The following RBFOX1 variants were observed in gnomAD, a reference collection of about 807,000 sequenced individuals.
The protein encoded by RBFOX1 is RNA binding protein fox-1 homolog 1.
RBFOX1 carries 8 observed loss-of-function variants against 57.7 expected under a neutral mutation model. The ratio of observed to expected loss-of-function variants is 0.14; its 90% CI spans 0.08 to 0.25. The LOEUF (loss-of-function observed/expected upper bound fraction) is 0.25. Among genes scored for constraint, RBFOX1 ranks in the 10% least tolerant of loss-of-function variants. The probability of loss-of-function intolerance (pLI) is 1.00; values close to 1 mark genes in which losing one functional copy is unlikely to be tolerated. For missense variants in RBFOX1, 611 were observed against 548.5 expected, an observed-to-expected ratio of 1.11 and a Z score of -1.14; for synonymous variants, 326 against 222.4, an observed-to-expected ratio of 1.47 and a Z score of -4.15.
intron 2 of RBFOX1, among the ~76,000 whole-genome samples, chr16:6,423,490 T>G (rs542582370): frequency 6.6e-6 from 1 of 152,162 alleles, no homozygotes; most frequent in South Asian, 2.1e-4. Context: ...TCCCAGCTAG[T>G]TGGAAGGCTG....
At chr16:7,229,726 A>T in intron 4 of RBFOX1, among the ~76,000 whole-genome samples, 1 of 125,108 alleles carries the variant, frequency 8.0e-6, no homozygotes, top group African/African-American at 3.0e-5. Context: ...GAGAGGAAGC[A>T]AGGGAGGGAG....
intron 3 of RBFOX1, among the ~76,000 whole-genome samples, chr16:6,727,195 A>C (rs4294818): frequency 0.91 from 138,602 of 151,862 alleles, 64,640 homozygotes; most frequent in East Asian, 1. Flanking sequence ...GAGACTCACT[A>C]TCCTGCAATT....
At chr16:7,704,121 C>T (rs960007206) in intron 14 of RBFOX1, among the ~76,000 whole-genome samples, 1 of 152,180 alleles carries the variant, frequency 6.6e-6, no homozygotes, top group African/African-American at 2.4e-5. Context: ...CTGTCCAAGT[C>T]ATGAGAGCAA....
intron 2 of RBFOX1, among the ~76,000 whole-genome samples, chr16:6,614,315 C>T (rs921406854): frequency 7.9e-5 from 12 of 152,162 alleles, no homozygotes; most frequent in Non-Finnish European, 1.6e-4. Flanking sequence ...GGACTTCCTG[C>T]CCTCCAGCCA....
In RBFOX1 at chr16:5,436,484, A is replaced by G. The variant is rs559489049; in HGVS notation, c.220-30732A>G. On this transcript the variant is annotated intron_variant, in intron 1 of 2. Coordinates refer to the RBFOX1 transcript ENST00000585867. ...TAAGAAGTACTTCTCTTGCAGAGAT[A>G]AGGGAATCCTCAGAACTCGTCTTTT... Among the ~76,000 whole-genome samples the G allele has an allele frequency of 3.9e-5, 6 of 152,316 alleles. No individual in the cohort carries two copies. The South Asian group carries it at 1.0e-3, about 26-fold the overall frequency.
chr16:7,628,107 A>T (rs2060360741), intron 10 of RBFOX1, among the ~76,000 whole-genome samples: 1 of 152,164 alleles, frequency 6.6e-6, no homozygotes, highest in Admixed American at 6.5e-5. Flanking sequence ...AAATTGACCC[A>T]AGGGTTTTAA....
chr16:6,461,530 T>C (rs2094921301), intron 2 of RBFOX1, among the ~76,000 whole-genome samples: 1 of 152,232 alleles, frequency 6.6e-6, no homozygotes, highest in South Asian at 2.1e-4. Context: ...TTAAACAATG[T>C]CATATCAACT....
chr16:5,352,798 C>T (rs928436079), intron 1 of RBFOX1, among the ~76,000 whole-genome samples: 1 of 151,808 alleles, frequency 6.6e-6, no homozygotes, highest in African/African-American at 2.4e-5. Context: ...TAAAAATTAG[C>T]CAGGCATGGT....
chr16:5,842,730 A>G (rs1244323994), intron 3 of RBFOX1, among the ~76,000 whole-genome samples: 1 of 152,226 alleles, frequency 6.6e-6, no homozygotes, highest in African/African-American at 2.4e-5. Flanking sequence ...GGTTAGTCCC[A>G]TAATAATAAC....
chr16:6,927,322 A>G (rs375236494), intron 3 of RBFOX1, among the ~76,000 whole-genome samples: 142 of 148,410 alleles, frequency 9.6e-4, no homozygotes, highest in African/African-American at 3.0e-3. Context: ...TTGAGGCACG[A>G]GAATCGCTGG....
At position 7,658,091 on chromosome 16, in the gene RBFOX1, G is replaced by C. The variant is rs2066772303; in HGVS notation, c.890+4144G>C. On this transcript the variant is annotated intron_variant, in intron 12 of 15. Coordinates refer to ENST00000550418, the MANE Select transcript of RBFOX1 (RefSeq NM_018723.4). ...GGTGAAGCAGGGAAATCCATGTAAG[G>C]TGACAACTTGGTCCATCTTATGACA... 2.6e-5 allele frequency among the ~76,000 whole-genome samples: 4 copies of C among 152,148 alleles called. No individual in the cohort carries two copies. In the South Asian group the frequency reaches 8.3e-4, roughly 31 times the overall value.
chr16:5,571,923 C>G (rs866425033), intron 2 of RBFOX1, among the ~76,000 whole-genome samples: 17 of 152,240 alleles, frequency 1.1e-4, no homozygotes, highest in Non-Finnish European at 7.3e-5. Context: ...GCGTGAGCCA[C>G]TGTGCCCGGC....
At chr16:5,481,857 G>A (rs1320372440) in intron 2 of RBFOX1, among the ~76,000 whole-genome samples, 1 of 152,160 alleles carries the variant, frequency 6.6e-6, no homozygotes, top group Admixed American at 6.5e-5. Context: ...TTCCCTCTGT[G>A]TGTCTGTGTC....
intron 11 of RBFOX1, among the ~76,000 whole-genome samples, chr16:7,653,452 G>T (rs2065541974): frequency 6.6e-6 from 1 of 152,186 alleles, no homozygotes; most frequent in African/African-American, 2.4e-5. Context: ...GGTGCAGTGA[G>T]CCGTGATTGC....
chr16:6,858,689 A>C (rs953872388), intron 3 of RBFOX1, among the ~76,000 whole-genome samples: 1 of 152,150 alleles, frequency 6.6e-6, no homozygotes, highest in Non-Finnish European at 1.5e-5. Flanking sequence ...AATTTTATGG[A>C]ATTACATATC....
intron 3 of RBFOX1, among the ~76,000 whole-genome samples, chr16:5,718,740 C>G (rs11642552): frequency 0.56 from 85,078 of 151,920 alleles, 26,749 homozygotes; most frequent in Non-Finnish European, 0.72. Flanking sequence ...AATCCCATCT[C>G]TAATAAAAGC....
intron 3 of RBFOX1, among the ~76,000 whole-genome samples, chr16:5,736,916 C>A (rs1457488325): frequency 6.7e-6 from 1 of 148,724 alleles, no homozygotes; most frequent in African/African-American, 2.5e-5. Flanking sequence ...TCTCTCTCCC[C>A]CTCCCTCTCT....
intron 1 of RBFOX1, among the ~76,000 whole-genome samples, chr16:6,243,602 G>T (rs1035596684): frequency 6.6e-6 from 1 of 152,148 alleles, no homozygotes; most frequent in Non-Finnish European, 1.5e-5. Flanking sequence ...ATAGACTCGG[G>T]TCAGGTGGAC....
intron 5 of RBFOX1, among the ~76,000 whole-genome samples, chr16:7,559,046 A>G (rs1000313616): frequency 3.9e-5 from 6 of 152,150 alleles, no homozygotes; most frequent in African/African-American, 1.4e-4. Flanking sequence ...CTGTTAAAGG[A>G]GAAGGTAGTA....
Sources: gnomAD v4.1 joint callset for allele counts (sites outside exome capture counted in the v4.1 genomes callset) on GRCh38, gnomAD v4.1.1 for gene constraint, MANE v1.5 for transcripts, NCBI Gene and HGNC (gene_info 2026-07-23, HGNC 2026-07-21) for gene names.